Variants in MAF observed in about 807,000 individuals in gnomAD.
The protein encoded by MAF is transcription factor Maf.
Under a neutral mutation model 22.0 loss-of-function variants are expected in MAF, and 10 were observed. That is an observed-to-expected ratio of 0.45 (90% CI 0.28 to 0.77). MAF has a LOEUF of 0.77. Among genes scored for constraint, MAF ranks in the 30% least tolerant of loss-of-function variants. The pLI is 0.12. For missense variants in MAF, 544 were observed against 548.4 expected, an observed-to-expected ratio of 0.99 and a Z score of 0.08; for synonymous variants, 337 against 255.8, an observed-to-expected ratio of 1.32 and a Z score of -3.03.
the MAF span, among the ~76,000 whole-genome samples, chr16:79,371,689 C>T: frequency 6.6e-6 from 1 of 152,322 alleles, no homozygotes; most frequent in South Asian, 2.1e-4. Context: ...ATCATTCAGG[C>T]CTCAGGTCCT....
chr16:79,297,560 C>T, the MAF span, among the ~76,000 whole-genome samples: 9 of 152,138 alleles, frequency 5.9e-5, no homozygotes, highest in Admixed American at 6.5e-5. Flanking sequence ...TCAGCTTCCC[C>T]GGCTATAAAT....
At chr16:79,444,716 G>C in the MAF span, among the ~76,000 whole-genome samples, 1 of 152,180 alleles carries the variant, frequency 6.6e-6, no homozygotes, top group Non-Finnish European at 1.5e-5. Flanking sequence ...TCTGGGTGCA[G>C]GGCTCCATGG....
At chr16:79,476,085 G>C in the MAF span, among the ~76,000 whole-genome samples, 1 of 152,146 alleles carries the variant, frequency 6.6e-6, no homozygotes, top group Non-Finnish European at 1.5e-5. Context: ...AAGCTTCCCC[G>C]AACTCTGAGA....
the MAF span, among the ~76,000 whole-genome samples, chr16:79,413,186 G>C: frequency 7.4e-5 from 10 of 136,050 alleles, no homozygotes; most frequent in East Asian, 1.9e-3. Context: ...TCCAATTCCA[G>C]CTCTGCTACT....
chr16:79,207,535 C>T, the MAF span, among the ~76,000 whole-genome samples: 1 of 152,236 alleles, frequency 6.6e-6, no homozygotes, highest in South Asian at 2.1e-4. Context: ...TGTGCAATGT[C>T]CCTGTAAGAA....
the MAF span, among the ~76,000 whole-genome samples, chr16:79,506,488 C>T: frequency 6.6e-6 from 1 of 152,206 alleles, no homozygotes; most frequent in Non-Finnish European, 1.5e-5. Flanking sequence ...AAGGGTGAGG[C>T]TCTCCTGCAT....
the MAF span, among the ~76,000 whole-genome samples, chr16:79,313,083 C>T: frequency 6.6e-6 from 1 of 152,110 alleles, no homozygotes; most frequent in Admixed American, 6.5e-5. Flanking sequence ...TTCTGCGCCT[C>T]GGTTTCTTCG....
the MAF span, among the ~76,000 whole-genome samples, chr16:79,400,369 C>G: frequency 6.6e-6 from 1 of 152,226 alleles, no homozygotes; most frequent in Non-Finnish European, 1.5e-5. Context: ...GAACATCACT[C>G]TGCACAGGTT....
the MAF span, among the ~76,000 whole-genome samples, chr16:79,405,694 C>G: frequency 6.6e-6 from 1 of 152,198 alleles, no homozygotes; most frequent in Non-Finnish European, 1.5e-5. Flanking sequence ...GTGACCTTAA[C>G]TGTAGTAAAA....
the MAF span, among the ~76,000 whole-genome samples, chr16:79,255,965 CTTTTT>C: frequency 2.2e-5 from 3 of 137,910 alleles, no homozygotes; most frequent in Non-Finnish European, 4.7e-5. Flanking sequence ...CTTTTCTTTT[CTTTTT>C]TCTTTTCTTT....
the MAF span, among the ~76,000 whole-genome samples, chr16:79,356,927 T>C: frequency 1.1e-4 from 17 of 152,308 alleles, no homozygotes; most frequent in Admixed American, 3.3e-4. Context: ...ATCTAAGCAT[T>C]ATTATTCTAT....
chr16:79,267,062 T>G, the MAF span, among the ~76,000 whole-genome samples: 7 of 152,226 alleles, frequency 4.6e-5, no homozygotes, highest in Non-Finnish European at 1.5e-5. Flanking sequence ...GAATCCATCC[T>G]AAGTAATAAT....
At chr16:79,425,452 T>C in the MAF span, among the ~76,000 whole-genome samples, 5 of 152,328 alleles carry the variant, frequency 3.3e-5, no homozygotes, top group African/African-American at 9.6e-5. Flanking sequence ...GCAAACTCAG[T>C]GTTCAGGGCA....
chr16:79,211,940 A>C, the MAF span: 1 of 1,537,518 alleles, frequency 6.5e-7, no homozygotes, highest in Admixed American at 2.0e-5. Flanking sequence ...CAGAGTGAAA[A>C]ATCTTAAGTA....
At chr16:79,418,141 C>G in the MAF span, among the ~76,000 whole-genome samples, 1 of 152,148 alleles carries the variant, frequency 6.6e-6, no homozygotes, top group Admixed American at 6.5e-5. Flanking sequence ...AGCCTGAAGC[C>G]GGATGATTCC....
At chr16:79,253,301 T>C in the MAF span, among the ~76,000 whole-genome samples, 3 of 152,308 alleles carry the variant, frequency 2.0e-5, no homozygotes, top group East Asian at 3.9e-4. Context: ...CCCACCATCA[T>C]TGCCTGTTAT....
the MAF span, among the ~76,000 whole-genome samples, chr16:79,418,184 C>A: frequency 6.6e-6 from 1 of 152,188 alleles, no homozygotes; most frequent in Admixed American, 6.5e-5. Flanking sequence ...CAGGCTCCAG[C>A]GCGGCTGGGC....
At chr16:79,366,372 G>C in the MAF span, among the ~76,000 whole-genome samples, 1 of 152,208 alleles carries the variant, frequency 6.6e-6, no homozygotes, top group Non-Finnish European at 1.5e-5. Flanking sequence ...GATTGCCTAT[G>C]TTCAAATTCC....
chr16:79,486,084 G>T, the MAF span, among the ~76,000 whole-genome samples: 1 of 152,132 alleles, frequency 6.6e-6, no homozygotes, highest in Non-Finnish European at 1.5e-5. Context: ...ACCTGATTAC[G>T]GAGTGTCTCG....
Sources: allele counts gnomAD v4.1 joint callset (sites outside exome capture counted in the v4.1 genomes callset), GRCh38; gene constraint gnomAD v4.1.1; transcripts MANE v1.5; gene names NCBI Gene and HGNC (gene_info 2026-07-23, HGNC 2026-07-21).